Variants in CNGB1 observed in about 807,000 individuals in gnomAD.
The protein encoded by CNGB1 is cyclic nucleotide gated channel subunit beta 1.
In CNGB1, 126 loss-of-function variants were observed where a neutral mutation model predicts 151.7. The ratio of observed to expected loss-of-function variants is 0.83; its 90% confidence interval spans 0.72 to 0.96. The LOEUF is 0.96. Among genes scored for constraint, CNGB1 ranks in the 40% least tolerant of loss-of-function variants. The probability of loss-of-function intolerance (pLI) is 0.00; values close to 1 mark genes in which losing one functional copy is unlikely to be tolerated. For synonymous variants in CNGB1, 623 were observed against 635.1 expected (o/e 0.98, Z 0.29); for missense variants, 1,698 against 1,627.0 (o/e 1.04, Z -0.75).
At chr16:57,915,955 C>A (rs979243889) in intron 22 of CNGB1, among the ~76,000 whole-genome samples, 174 bp downstream of exon 22, 3 of 151,562 alleles carry the variant, frequency 2.0e-5, no homozygotes, top group Non-Finnish European at 4.4e-5. Flanking sequence ...CTGGGGGCTA[C>A]CCAGCCTGTG....
At chr16:57,923,465 A>C in intron 17 of CNGB1, 85 bp from the exon 18 acceptor site, 1 of 1,096,338 alleles carries the variant, frequency 9.1e-7, no homozygotes, top group Non-Finnish European at 1.4e-6. Context: ...CCTAAAGATC[A>C]TCTAGAGCCA....
At chr16:57,932,584 T>C (rs1401579569) in intron 16 of CNGB1, among the ~76,000 whole-genome samples, 1 of 148,832 alleles carries the variant, frequency 6.7e-6, no homozygotes, top group African/African-American at 2.5e-5. Context: ...TGTTTTGTTT[T>C]GTTTTGTTTT....
chr16:57,935,002 C>T (rs1374582894), intron 16 of CNGB1, among the ~76,000 whole-genome samples: 25 of 149,188 alleles, frequency 1.7e-4, no homozygotes, highest in Middle Eastern at 3.5e-3. Context: ...GCCAAGATCG[C>T]GCCACTGCAC....
At chr16:57,889,940 G>A (rs920541081) in intron 31 of CNGB1, among the ~76,000 whole-genome samples, 1 of 152,124 alleles carries the variant, frequency 6.6e-6, no homozygotes, top group African/African-American at 2.4e-5. Context: ...CAGAGCAGGG[G>A]GAGTGACGTG....
chr16:57,949,591 C>T, intron 13 of CNGB1, 152 bp from the exon 14 acceptor site: 1 of 1,162,884 alleles, frequency 8.6e-7, no homozygotes, highest in Non-Finnish European at 1.3e-6. Context: ...CCCACCCGAG[C>T]AACCCTGAAC....
chr16:57,933,516 G>T (rs1452959941), intron 16 of CNGB1, among the ~76,000 whole-genome samples: 2 of 152,086 alleles, frequency 1.3e-5, no homozygotes. Flanking sequence ...GGACAGGTCT[G>T]CCCCAAGTCC....
intron 17 of CNGB1, among the ~76,000 whole-genome samples, chr16:57,927,157 A>G (rs1314927379): frequency 6.6e-6 from 1 of 152,166 alleles, no homozygotes; most frequent in African/African-American, 2.4e-5. Context: ...CAATTCTAGT[A>G]ACCAGGTGGT....
intron 16 of CNGB1, among the ~76,000 whole-genome samples, chr16:57,932,398 T>A (rs926613537): frequency 7.0e-6 from 1 of 143,108 alleles, no homozygotes; most frequent in Non-Finnish European, 1.5e-5. Context: ...TTCTTAAAGA[T>A]TCTTTTTTTT....
In CNGB1 at chr16:57,912,996, T is replaced by C. The variant is rs1213265293; in HGVS notation, c.2305-2A>G. ...GTTAAACTCGAAGAAGGCCATGTAC[T>C]GGAGGGAGAGGAGGGCGTGAGAGCA... On this transcript the variant is annotated splice_acceptor_variant, in intron 23 of 32. Coordinates refer to ENST00000251102, the MANE Select transcript of CNGB1 (RefSeq NM_001297.5). LOFTEE classifies it high-confidence loss of function. The C allele has an allele frequency of 1.9e-6, 3 of 1,613,862 alleles. No homozygotes were observed. The highest frequency in any genetic ancestry group is 2.5e-6 in the Non-Finnish European group (3 of 1,179,822).
chr16:57,957,290 C>T, intron 12 of CNGB1, 51 bp downstream of exon 12: 14 of 1,578,916 alleles, frequency 8.9e-6, no homozygotes, highest in Non-Finnish European at 1.2e-5. Flanking sequence ...CCAAGGACAC[C>T]AAGCAACCCT....
At chr16:57,885,243 T>C (rs147061204) in intron 32 of CNGB1, among the ~76,000 whole-genome samples, 11 of 152,288 alleles carry the variant, frequency 7.2e-5, no homozygotes, top group African/African-American at 2.4e-4. Context: ...CCAAGACCCA[T>C]GTGAAGTGGT....
Position 57,884,087 on chromosome 16 carries a change from G to A in CNGB1, c.*77C>T. On this transcript the variant is annotated 3_prime_UTR_variant, in exon 33 of 33. Transcript: ENST00000251102. ...CTCTTGAGCCGTGGGGGAAGGTGGG[G>A]CGCTGGGGCGCAGGGGCGCAGCGGG... The A allele has an allele frequency of 1.9e-6, 3 of 1,599,256 alleles. No homozygotes were observed. Among genetic ancestry groups the A allele is most frequent in the Non-Finnish European group, 2.6e-6 (3 of 1,166,982 alleles).
rs191079827 is a variant in CNGB1, at chr16:57,912,657, T to C, written c.2369+273A>G. On this transcript the variant is annotated intron_variant, in intron 24 of 32. Coordinates refer to ENST00000251102, the MANE Select transcript of CNGB1 (RefSeq NM_001297.5). ...TGTGTGCACTGCATGTGTTGTGTGT[T>C]GTGTGTGTTTGTGTGTGTTGTTTTG... Among the ~76,000 whole-genome samples, 169 of 150,314 alleles carry C rather than the reference T, an allele frequency of 1.1e-3. No individual in the cohort carries two copies. In the East Asian group the frequency reaches 0.024, roughly 21 times the overall value.
intron 7 of CNGB1, among the ~76,000 whole-genome samples, chr16:57,962,268 C>T (rs1350742128): frequency 1.3e-5 from 2 of 152,200 alleles, no homozygotes; most frequent in Admixed American, 1.3e-4. Context: ...ACGGAGCCTA[C>T]CTACATGAAG....
chr16:57,964,451 T>A, intron 3 of CNGB1, 36 bp downstream of exon 3: 1 of 1,612,938 alleles, frequency 6.2e-7, no homozygotes. Flanking sequence ...CGGGCCCCCC[T>A]GCCATGCCAG....
rs1425817832 is a variant in CNGB1, at chr16:57,939,442, C to T, written c.1360G>A (p.Ala454Thr). The change falls in exon 16 of 33, where the codon GCC becomes ACC. Residue 454 changes from alanine to threonine, a missense_variant. Ala to Thr is a moderately conservative substitution (Grantham distance 58). Transcript: ENST00000251102. ...KEEPEAEAEA[A>T]SSGVPATKQH... ...CCACCACACCTACCTCCTGAACTGGCAGCCTCGGCCTCAGCCTCAGGCTCC... is the reference window on the plus strand; with the variant it reads ...CCACCACACCTACCTCCTGAACTGGTAGCCTCGGCCTCAGCCTCAGGCTCC... The T allele has an allele frequency of 6.2e-7, 1 of 1,614,152 alleles. No homozygotes were observed. Among genetic ancestry groups the T allele is most frequent in the Admixed American group, 1.7e-5 (1 of 60,018 alleles).
intron 29 of CNGB1, among the ~76,000 whole-genome samples, chr16:57,899,895 G>T (rs1004438918): frequency 1.3e-5 from 2 of 152,294 alleles, no homozygotes; most frequent in East Asian, 3.9e-4. Context: ...AGCAAAACCA[G>T]ACAGCAGAGG....
chr16:57,960,723 G>A (rs1335124446), intron 8 of CNGB1, 117 bp downstream of exon 8: 17 of 1,313,074 alleles, frequency 1.3e-5, no homozygotes, highest in Admixed American at 5.9e-5. Flanking sequence ...GTGGGGCATC[G>A]CCCCCTCATG....
At chr16:57,912,067 C>G (rs1174972418) in intron 24 of CNGB1, among the ~76,000 whole-genome samples, 192 bp from the exon 25 acceptor site, 1 of 151,866 alleles carries the variant, frequency 6.6e-6, no homozygotes, top group Admixed American at 6.6e-5. Flanking sequence ...ACAGAGGTAG[C>G]AGAGCTGACT....
Sources: allele counts gnomAD v4.1 joint callset (sites outside exome capture counted in the v4.1 genomes callset), GRCh38; gene constraint gnomAD v4.1.1; transcripts MANE v1.5; gene names NCBI Gene and HGNC (gene_info 2026-07-23, HGNC 2026-07-21).